TTC3: variants seen among roughly 807,000 people sequenced by gnomAD.
TTC3 encodes tetratricopeptide repeat domain 3.
Under a neutral mutation model 249.6 loss-of-function variants are expected in TTC3, and 180 were observed. The ratio of observed to expected loss-of-function variants is 0.72; its 90% CI spans 0.64 to 0.82. The LOEUF is 0.82. TTC3 is among the 40% of genes least tolerant of loss of function. TTC3 has a pLI of 0.00. For synonymous variants in TTC3, 717 were observed against 805.0 expected (o/e 0.89, Z 1.85); for missense variants, 2,061 against 2,398.4 (o/e 0.86, Z 2.94).
At chr21:37,192,351 A>G (rs1379102834) in intron 41 of TTC3, 138 bp downstream of exon 41, 2 of 580,404 alleles carry the variant, frequency 3.4e-6, no homozygotes, top group African/African-American at 1.9e-5. Flanking sequence ...TATTGGTGCT[A>G]CTGATTAACC....
rs60361476 is a variant in TTC3 at position 37,079,517 on chromosome 21, GTTTTTTTTTTTTTTTTTT to G, written c.-12+6170_-12+6187del. ...GTCCTTTCATCAAGTTTATGGTATG[GTTTTTTTTTTTTTTTTTT>G]TTTTTTTTTTTTTTTTAAGATAGAG... On this transcript the variant is annotated intron_variant, in intron 1 of 45. Coordinates refer to ENST00000355666, the Ensembl canonical transcript of TTC3. Among the ~76,000 whole-genome samples the G allele has an allele frequency of 8.8e-5, 8 of 91,180 alleles. 1 individual carries two copies. The highest frequency in any genetic ancestry group is 3.9e-4 in the African/African-American group (8 of 20,734). The allele number at this position is 91,180 out of a possible 152,430, so 59.8% of individuals were successfully genotyped here.
chr21:37,095,974 A>G (rs2073901256), intron 9 of TTC3, among the ~76,000 whole-genome samples: 1 of 152,160 alleles, frequency 6.6e-6, no homozygotes, highest in African/African-American at 2.4e-5. Context: ...GCCGCCTAAT[A>G]TTGTAGCAGC....
intron 20 of TTC3, among the ~76,000 whole-genome samples, chr21:37,141,594 CCT>C (rs1443830350): frequency 6.6e-6 from 1 of 151,964 alleles, no homozygotes; most frequent in Non-Finnish European, 1.5e-5. Context: ...ATGTTGAAAC[CCT>C]GTCTGTACTA....
intron 35 of TTC3, among the ~76,000 whole-genome samples, chr21:37,173,229 A>G (rs566257997): frequency 2.6e-5 from 4 of 152,252 alleles, no homozygotes; most frequent in African/African-American, 9.6e-5. Context: ...CACATTTTGT[A>G]TGGTTAGATT....
At chr21:37,120,402 T>C (rs1040395566) in intron 11 of TTC3, among the ~76,000 whole-genome samples, 12 of 152,204 alleles carry the variant, frequency 7.9e-5, no homozygotes, top group African/African-American at 2.9e-4. Flanking sequence ...GAGAAAAGTA[T>C]GGAGAAAAGA....
intron 1 of TTC3, 79 bp from the exon 2 acceptor site, chr21:37,087,168 T>C (rs1023423307): frequency 5.1e-5 from 76 of 1,494,994 alleles, no homozygotes; most frequent in Non-Finnish European, 6.1e-5. Context: ...TTTTCTAATA[T>C]ACCATAGAAG....
chr21:37,113,424 T>TC (rs551537090), intron 11 of TTC3, among the ~76,000 whole-genome samples: 39 of 152,270 alleles, frequency 2.6e-4, no homozygotes, highest in Admixed American at 3.9e-4. Flanking sequence ...ATGAGTGAAC[T>TC]CCCATTCGCT....
chr21:37,106,766 A>G (rs543089792), intron 10 of TTC3, among the ~76,000 whole-genome samples: 2 of 152,300 alleles, frequency 1.3e-5, no homozygotes, highest in African/African-American at 4.8e-5. Context: ...GCATGATGGC[A>G]TGTGCCTATA....
At chr21:37,135,340 T>G in intron 17 of TTC3, 40 bp from the exon 18 acceptor site, 1 of 1,572,910 alleles carries the variant, frequency 6.4e-7, no homozygotes, top group Admixed American at 1.9e-5. Flanking sequence ...ATTAAAAATG[T>G]GTAGATTCAG....
intron 38 of TTC3, 140 bp downstream of exon 38, chr21:37,187,285 T>G: frequency 1.6e-6 from 1 of 620,354 alleles, no homozygotes; most frequent in Non-Finnish European, 2.8e-6. Context: ...ATATCCTCCC[T>G]AAAACGACCA....
chr21:37,177,760 A>G (rs1454608831), intron 35 of TTC3, among the ~76,000 whole-genome samples: 2 of 152,184 alleles, frequency 1.3e-5, no homozygotes, highest in African/African-American at 2.4e-5. Context: ...GCCTTTGTTA[A>G]TGCAGTGGTG....
chr21:37,170,694 G>A (rs186170245), intron 34 of TTC3, among the ~76,000 whole-genome samples: 28 of 152,200 alleles, frequency 1.8e-4, no homozygotes, highest in Admixed American at 4.6e-4. Flanking sequence ...TAAGTAGGAA[G>A]AAGGTCAGAG....
chr21:37,119,691 TTA>T (rs2076432227), intron 11 of TTC3, among the ~76,000 whole-genome samples: 1 of 152,176 alleles, frequency 6.6e-6, no homozygotes, highest in Non-Finnish European at 1.5e-5. Flanking sequence ...AGGGCTTACT[TTA>T]TATGTTTTTC....
intron 27 of TTC3, among the ~76,000 whole-genome samples, chr21:37,154,339 C>G (rs921776660): frequency 9.2e-5 from 14 of 152,198 alleles, no homozygotes; most frequent in African/African-American, 2.7e-4. Context: ...AGAGAAGATA[C>G]TGGTCAGCTT....
intron 39 of TTC3, 105 bp downstream of exon 39, chr21:37,188,700 T>A: frequency 1.4e-6 from 1 of 709,808 alleles, no homozygotes; most frequent in Admixed American, 3.1e-5. Flanking sequence ...TTTTTAATAG[T>A]TATATAATTG....
At chr21:37,145,490 G>T (rs1006207550) in intron 21 of TTC3, among the ~76,000 whole-genome samples, 1 of 152,208 alleles carries the variant, frequency 6.6e-6, no homozygotes, top group African/African-American at 2.4e-5. Flanking sequence ...ATTGGCAAGG[G>T]TGTAGAAAAA....
intron 16 of TTC3, among the ~76,000 whole-genome samples, chr21:37,131,875 G>T (rs914961039): frequency 6.6e-6 from 1 of 152,166 alleles, no homozygotes; most frequent in African/African-American, 2.4e-5. Flanking sequence ...CACATCGAGT[G>T]CCTCAGATTT....
chr21:37,102,324 T>C (rs1468025673), intron 10 of TTC3, among the ~76,000 whole-genome samples: 1 of 152,216 alleles, frequency 6.6e-6, no homozygotes, highest in African/African-American at 2.4e-5. Flanking sequence ...AAAATAATTA[T>C]AATTGAGGAA....
exon 46 of TTC3, chr21:37,201,726 A>AC: frequency 4.1e-6 from 4 of 983,262 alleles, no homozygotes; most frequent in Non-Finnish European, 5.8e-6. Context: ...GCTGATATTA[A>AC]GTAATTTCCC....
Sources: allele counts gnomAD v4.1 joint callset (sites outside exome capture counted in the v4.1 genomes callset), GRCh38; gene constraint gnomAD v4.1.1; transcripts MANE v1.5; gene names NCBI Gene and HGNC (gene_info 2026-07-23, HGNC 2026-07-21).